The following MAGI3 variants were observed in gnomAD, a reference collection of about 807,000 sequenced individuals.
MAGI3 encodes membrane associated guanylate kinase, WW and PDZ domain containing 3, also known as membrane-associated guanylate kinase, WW and PDZ domain-containing protein 3.
In MAGI3, 43 loss-of-function variants were observed where a neutral mutation model predicts 121.8. The ratio of observed to expected loss-of-function variants is 0.35; its 90% CI spans 0.28 to 0.46. The LOEUF is 0.46. Ranked by LOEUF, MAGI3 falls within the 20% of genes least tolerant of loss-of-function variation. The probability of loss-of-function intolerance (pLI) is 1.00; values close to 1 mark genes in which losing one functional copy is unlikely to be tolerated. For missense variants in MAGI3, 1,547 were observed against 1,797.3 expected, an observed-to-expected ratio of 0.86 and a Z score of 2.52; for synonymous variants, 553 against 639.3, an observed-to-expected ratio of 0.86 and a Z score of 2.04.
intron 9 of MAGI3, among the ~76,000 whole-genome samples, chr1:113,638,100 T>C (rs1652166967): frequency 6.6e-6 from 1 of 152,332 alleles, no homozygotes; most frequent in South Asian, 2.1e-4. Context: ...TAAGCACTTC[T>C]CTGTATTGGT....
At chr1:113,438,628 A>C (rs1653756489) in intron 1 of MAGI3, among the ~76,000 whole-genome samples, 1 of 152,184 alleles carries the variant, frequency 6.6e-6, no homozygotes, top group Non-Finnish European at 1.5e-5. Flanking sequence ...TGGAAGGCAA[A>C]GGGGGAGCAG....
At chr1:113,549,670 G>A (rs748313635) in intron 2 of MAGI3, 39 bp downstream of exon 2, 6 of 1,167,124 alleles carry the variant, frequency 5.1e-6, no homozygotes, top group African/African-American at 1.5e-5. Context: ...AAGCAGAAAT[G>A]TCCTTTCTTA....
At chr1:113,599,921 G>A (rs1046979305) in intron 6 of MAGI3, among the ~76,000 whole-genome samples, 9 of 152,052 alleles carry the variant, frequency 5.9e-5, no homozygotes, top group East Asian at 1.9e-4. Context: ...TTCAATATAC[G>A]CAAATCAATG....
At chr1:113,566,803 G>A (rs1660450717) in intron 2 of MAGI3, among the ~76,000 whole-genome samples, 1 of 151,708 alleles carries the variant, frequency 6.6e-6, no homozygotes, top group African/African-American at 2.4e-5. Context: ...GTACTAAGAG[G>A]GAAGTTTATA....
intron 1 of MAGI3, among the ~76,000 whole-genome samples, chr1:113,433,610 A>G (rs890745810): frequency 2.6e-5 from 4 of 152,222 alleles, no homozygotes; most frequent in African/African-American, 7.2e-5. Context: ...TTTAGTGACC[A>G]GTTAAACTTC....
At chr1:113,520,036 A>G (rs1232788933) in intron 1 of MAGI3, among the ~76,000 whole-genome samples, 1 of 152,218 alleles carries the variant, frequency 6.6e-6, no homozygotes, top group African/African-American at 2.4e-5. Flanking sequence ...TTTGTCTATC[A>G]TAATTACTGC....
intron 1 of MAGI3, among the ~76,000 whole-genome samples, chr1:113,413,313 A>C (rs1652109318): frequency 6.6e-6 from 1 of 152,148 alleles, no homozygotes; most frequent in African/African-American, 2.4e-5. Flanking sequence ...AGGTAGTGTG[A>C]TGCCTCCAGC....
chr1:113,495,655 C>T (rs567928365), intron 1 of MAGI3, among the ~76,000 whole-genome samples: 1 of 152,144 alleles, frequency 6.6e-6, no homozygotes, highest in Admixed American at 6.5e-5. Flanking sequence ...ACTAAACCTG[C>T]TAAAGATCAT....
intron 1 of MAGI3, among the ~76,000 whole-genome samples, chr1:113,416,516 A>C (rs1012821208): frequency 3.1e-4 from 3 of 9,574 alleles, no homozygotes; most frequent in African/African-American, 6.9e-4. Context: ...ATATGTGATT[A>C]ATCTGGCACT....
intron 9 of MAGI3, among the ~76,000 whole-genome samples, chr1:113,637,099 C>T (rs1407573161): frequency 3.3e-5 from 5 of 152,084 alleles, no homozygotes; most frequent in South Asian, 2.1e-4. Flanking sequence ...TTCCTCCATC[C>T]TTTTATTTTG....
intron 1 of MAGI3, among the ~76,000 whole-genome samples, chr1:113,400,280 A>G (rs1045010877): frequency 2.6e-5 from 4 of 152,134 alleles, no homozygotes; most frequent in African/African-American, 4.8e-5. Context: ...CAATGTCTTC[A>G]GCTTTGGTGC....
intron 1 of MAGI3, among the ~76,000 whole-genome samples, chr1:113,513,903 A>G (rs551012867): frequency 6.6e-6 from 1 of 152,294 alleles, no homozygotes; most frequent in African/African-American, 2.4e-5. Context: ...AATATCCAGA[A>G]TCTACAATGA....
intron 19 of MAGI3, among the ~76,000 whole-genome samples, chr1:113,675,812 T>C (rs1246426357): frequency 1.3e-5 from 2 of 152,216 alleles, no homozygotes; most frequent in Non-Finnish European, 1.5e-5. Flanking sequence ...TACTTTCTTA[T>C]AGAGACAATT....
intron 7 of MAGI3, chr1:113,618,551 G>A (rs2101782563): frequency 2.2e-6 from 1 of 447,966 alleles, no homozygotes; most frequent in East Asian, 7.1e-5. Flanking sequence ...TGTCGCCCAA[G>A]CTGGAGTGCA....
At chr1:113,648,401 G>A (rs12401769) in intron 12 of MAGI3, among the ~76,000 whole-genome samples, 3,053 of 149,482 alleles carry the variant, frequency 0.02, 47 homozygotes, top group Middle Eastern at 0.042. Context: ...ATAGATTTTT[G>A]TGACTTAATA....
chr1:113,641,957 T>C lies in MAGI3; in HGVS notation c.1407T>C (p.Thr469=). The C allele has an allele frequency of 6.2e-7, 1 of 1,609,406 alleles. No homozygotes were observed. Among genetic ancestry groups the C allele is most frequent in the South Asian group, 1.1e-5 (1 of 90,980 alleles). ...ATGGCAACTGTGTCCTCGGTCACACTCATGCAGATGTTGTCCAGATGTTTC... is the reference window on the plus strand; with the variant it reads ...ATGGCAACTGTGTCCTCGGTCACACCCATGCAGATGTTGTCCAGATGTTTC... The part of the protein sequence containing the change: ...DINGNCVLGH[T]HADVVQMFQL... The change falls in exon 10 of 21, where the codon ACT becomes ACC. Residue 469 remains threonine, a synonymous_variant. Coordinates refer to ENST00000307546, the MANE Select transcript of MAGI3 (RefSeq NM_001142782.2).
chr1:113,398,430 T>G (rs1013949134), intron 1 of MAGI3, among the ~76,000 whole-genome samples: 1 of 152,226 alleles, frequency 6.6e-6, no homozygotes, highest in Non-Finnish European at 1.5e-5. Flanking sequence ...GAGGCTTCCC[T>G]TTTTATTGTC....
chr1:113,586,732 A>C (rs1284135445), intron 4 of MAGI3, among the ~76,000 whole-genome samples: 1 of 152,196 alleles, frequency 6.6e-6, no homozygotes, highest in Non-Finnish European at 1.5e-5. Flanking sequence ...AAACAGTAGG[A>C]TTGGAGACCA....
At chr1:113,416,028 G>T (rs200618425) in intron 1 of MAGI3, among the ~76,000 whole-genome samples, 7,711 of 123,968 alleles carry the variant, frequency 0.062, 172 homozygotes, top group African/African-American at 0.095. Flanking sequence ...TGTAATTAAT[G>T]ACACATATTA....
Sources: gnomAD v4.1 joint callset for allele counts (sites outside exome capture counted in the v4.1 genomes callset) on GRCh38, gnomAD v4.1.1 for gene constraint, MANE v1.5 for transcripts, NCBI Gene and HGNC (gene_info 2026-07-23, HGNC 2026-07-21) for gene names.